The following CEMIP2 variants were observed in gnomAD, a reference collection of about 807,000 sequenced individuals.
The protein encoded by CEMIP2 is cell surface hyaluronidase CEMIP2.
CEMIP2 carries 79 observed loss-of-function variants against 146.9 expected under a neutral mutation model. That is an observed-to-expected ratio of 0.54 (90% CI 0.45 to 0.65). CEMIP2 has a LOEUF of 0.65. Ranked by LOEUF, CEMIP2 falls within the 30% of genes least tolerant of loss-of-function variation. CEMIP2 has a pLI of 0.00. For synonymous variants in CEMIP2, 601 were observed against 606.3 expected, an observed-to-expected ratio of 0.99 and a Z score of 0.13; for missense variants, 1,596 against 1,696.2, an observed-to-expected ratio of 0.94 and a Z score of 1.04.
intron 15 of CEMIP2, 151 bp downstream of exon 15, chr9:71,714,783 A>G: frequency 1.5e-6 from 1 of 685,142 alleles, no homozygotes; most frequent in Admixed American, 3.1e-5. Flanking sequence ...TAGCAGTAGC[A>G]GCTGTAGCAG....
chr9:71,694,107 ATTTATTTATT>A (rs1441706961), intron 21 of CEMIP2, among the ~76,000 whole-genome samples: 1 of 70,090 alleles, frequency 1.4e-5, no homozygotes, highest in Admixed American at 1.7e-4. Context: ...ATTTTTATTT[ATTTATTTATT>A]TATTTATTTA....
chr9:71,685,427 A>C, intron 23 of CEMIP2, 34 bp from the exon 24 acceptor site: 1 of 1,458,054 alleles, frequency 6.9e-7, no homozygotes, highest in Non-Finnish European at 9.0e-7. Context: ...AAAGAAAAAA[A>C]ATCAATTTTT....
rs1275112582 is a variant in CEMIP2, at chr9:71,728,245, ATATATG to A, written c.2049+1594_2049+1599del. ...TCTCTCTCTCTCTATATATATATAT[ATATATG>A]TATATACACGTATATATATATATAT... On this transcript the variant is annotated intron_variant, in intron 10 of 23. Coordinates refer to ENST00000377044, the MANE Select transcript of CEMIP2 (RefSeq NM_013390.3). 1.5e-4 allele frequency among the ~76,000 whole-genome samples: 6 copies of A among 40,326 alleles called. 1 individual carries two copies. The highest frequency in any genetic ancestry group is 9.3e-3 in the Middle Eastern group (1 of 108). 26.5% of individuals were successfully genotyped at this position (40,326 alleles called of 152,430 possible). A position where few individuals can be genotyped will look rare whatever the true frequency, so the allele number is the denominator to read the frequency against.
At position 71,685,395 on chromosome 9, in the gene CEMIP2, TAAAAAA is replaced by T. The variant is rs36080695; in HGVS notation, c.3956-8_3956-3del. ...TGAATCCCAAAAATATGGTACTCCC[TAAAAAA>T]AAAAAAAAAAAAGAAAAAGAAAAAA... On this transcript the variant is annotated splice_region_variant and splice_polypyrimidine_tract_variant and intron_variant, in intron 23 of 23. Coordinates refer to ENST00000377044, the MANE Select transcript of CEMIP2 (RefSeq NM_013390.3). 5 of 1,177,070 alleles carry T rather than the reference TAAAAAA, an allele frequency of 4.2e-6. No individual in the cohort carries two copies. The highest frequency in any genetic ancestry group is 3.2e-4 in the Middle Eastern group (1 of 3,162). The allele number at this position is 1,177,070 out of a possible 1,614,324, so 72.9% of individuals were successfully genotyped here.
intron 20 of CEMIP2, among the ~76,000 whole-genome samples, chr9:71,696,491 G>A (rs1822408076): frequency 6.6e-6 from 1 of 151,700 alleles, no homozygotes; most frequent in Non-Finnish European, 1.5e-5. Flanking sequence ...AAAAAAATTG[G>A]CCAGTGCAGA....
chr9:71,759,830 G>GA (rs1287435356), intron 1 of CEMIP2, among the ~76,000 whole-genome samples: 8 of 127,992 alleles, frequency 6.3e-5, no homozygotes, highest in Non-Finnish European at 3.5e-5. Flanking sequence ...CGGGGAGGTG[G>GA]GGGGGGGATG....
intron 21 of CEMIP2, among the ~76,000 whole-genome samples, chr9:71,691,432 AAATAAAT>A (rs763148556): frequency 9.9e-5 from 15 of 150,832 alleles, no homozygotes; most frequent in Non-Finnish European, 1.9e-4. Context: ...AAAAAAAAAT[AAATAAAT>A]AAAAAAGCCC....
chr9:71,708,379 C>A (rs185458382), intron 17 of CEMIP2, among the ~76,000 whole-genome samples: 2 of 152,270 alleles, frequency 1.3e-5, no homozygotes, highest in East Asian at 3.9e-4. Context: ...ATACTAAGAG[C>A]AGCGGGCACT....
chr9:71,745,479 T>C lies in CEMIP2; in HGVS notation c.573A>G (p.Ala191=), dbSNP rs76670837. The C allele has an allele frequency of 0.064, 103,957 of 1,613,850 alleles. 3,647 individuals carry two copies. Among genetic ancestry groups the C allele is most frequent in the Middle Eastern group, 0.12 (743 of 6,062 alleles). ...CTTTGGATTTATAGCGGCATTTTTC[T>C]GCTCCAATATGAAGCGCCCCACCAT... ...IQDGGALHIG[A]EKCRYKSKAT... is the part of the protein sequence containing the mutation. Residue 191 remains alanine (A), a synonymous_variant, in exon 4 of 24, where the codon GCA becomes GCG. Transcript: ENST00000377044.
At chr9:71,725,755 T>A in intron 10 of CEMIP2, 46 bp from the exon 11 acceptor site, 2 of 1,578,026 alleles carry the variant, frequency 1.3e-6, no homozygotes, top group Non-Finnish European at 1.7e-6. Context: ...TTTATACAGA[T>A]ATCTATGAAA....
intron 5 of CEMIP2, 70 bp from the exon 6 acceptor site, chr9:71,735,064 C>A (rs1823725854): frequency 2.7e-6 from 4 of 1,487,022 alleles, no homozygotes; most frequent in African/African-American, 1.4e-5. Flanking sequence ...CTAAAATGAA[C>A]CCTCACACTG....
At chr9:71,707,059 C>T (rs905546835) in intron 17 of CEMIP2, among the ~76,000 whole-genome samples, 2 of 152,050 alleles carry the variant, frequency 1.3e-5, no homozygotes, top group African/African-American at 4.8e-5. Flanking sequence ...AACTCCAGAC[C>T]GCAGGTGATC....
chr9:71,744,370 G>A (rs1416075284), intron 4 of CEMIP2, among the ~76,000 whole-genome samples: 2 of 152,056 alleles, frequency 1.3e-5, no homozygotes, highest in Admixed American at 6.6e-5. Context: ...GCAAGACCCT[G>A]TCACTAAAAA....
intron 6 of CEMIP2, among the ~76,000 whole-genome samples, 166 bp from the exon 7 acceptor site, chr9:71,732,686 A>ATTTTTTTTTTTTTTTTTTTTTTTTTT (rs59985618): frequency 1.3e-5 from 1 of 75,816 alleles, no homozygotes; most frequent in African/African-American, 6.2e-5. Flanking sequence ...GACACGGGGA[A>ATTTTTTTTTTTTTTTTTTTTTTTTTT]TTTTTTTTTT....
intron 1 of CEMIP2, among the ~76,000 whole-genome samples, chr9:71,756,494 TCTCTCTCTCTCTCA>T (rs1193430325): frequency 1.5e-5 from 2 of 136,978 alleles, no homozygotes; most frequent in South Asian, 2.6e-4. Flanking sequence ...TCTCTCTCTC[TCTCTCTCTCTCTCA>T]CACACACACA....
intron 6 of CEMIP2, among the ~76,000 whole-genome samples, chr9:71,732,748 C>A (rs187087237): frequency 8.2e-6 from 1 of 122,560 alleles, no homozygotes; most frequent in East Asian, 2.6e-4. Flanking sequence ...ACTCTGTCCC[C>A]CAGGCTGGAG....
Position 71,703,442 on chromosome 9 carries a change from G to A in CEMIP2, c.3194+1153C>T, listed in dbSNP as rs113759482. On this transcript the variant is annotated intron_variant, in intron 18 of 23. Transcript: ENST00000377044. Reference sequence around the variant, plus strand: ...ATCTCAGAACAAGGGCATCTGCCACGATGTTCATCATCCTTGGAAGTGACT... The same window carrying A: ...ATCTCAGAACAAGGGCATCTGCCACAATGTTCATCATCCTTGGAAGTGACT... Among the ~76,000 whole-genome samples, 439 of 152,292 alleles carry A rather than the reference G, an allele frequency of 2.9e-3. 1 individual carries two copies. Among genetic ancestry groups the A allele is most frequent in the African/African-American group, 9.6e-3 (399 of 41,568 alleles).
chr9:71,732,935 C>A (rs1421521511), intron 6 of CEMIP2, among the ~76,000 whole-genome samples: 1 of 152,030 alleles, frequency 6.6e-6, no homozygotes, highest in East Asian at 1.9e-4. Context: ...TGACAGAAAG[C>A]TTGTTCCTTC....
At chr9:71,685,508 A>G in intron 23 of CEMIP2, 115 bp from the exon 24 acceptor site, 1 of 1,232,132 alleles carries the variant, frequency 8.1e-7, no homozygotes, top group Non-Finnish European at 1.1e-6. Context: ...GCTATTAAAA[A>G]ACTCTGCACT....
Sources: allele counts gnomAD v4.1 joint callset (sites outside exome capture counted in the v4.1 genomes callset), GRCh38; gene constraint gnomAD v4.1.1; transcripts MANE v1.5; gene names NCBI Gene and HGNC (gene_info 2026-07-23, HGNC 2026-07-21).